The following SPNS1 variants were observed in gnomAD, a reference collection of about 807,000 sequenced individuals.
SPNS1 encodes protein spinster homolog 1.
A neutral mutation model predicts 50.3 loss-of-function variants in SPNS1; 22 were observed. That is an observed-to-expected ratio of 0.44 (90% CI 0.31 to 0.62). The LOEUF (loss-of-function observed/expected upper bound fraction) is 0.62. SPNS1 is among the 20% of genes least tolerant of loss of function. SPNS1 has a pLI of 0.07. For missense variants in SPNS1, 576 were observed against 728.6 expected, an observed-to-expected ratio of 0.79 and a Z score of 2.41; for synonymous variants, 295 against 317.4, an observed-to-expected ratio of 0.93 and a Z score of 0.75.
chr16:28,977,381 G>A (rs901418223), intron 2 of SPNS1, among the ~76,000 whole-genome samples: 1 of 152,044 alleles, frequency 6.6e-6, no homozygotes, highest in African/African-American at 2.4e-5. Context: ...GTGCTCACCT[G>A]GGCAGCATGC....
rs1429083276 is a variant in SPNS1, at chr16:28,981,829, G to T, written c.810-72G>T. On this transcript the variant is annotated intron_variant, in intron 6 of 11. Transcript: ENST00000311008. This position sits in a 1 kb window ranked among gnomAD's most constrained non-coding sequence, Gnocchi z 4.2. Reference sequence around the variant, plus strand: ...TGACCTTACTAAAATAAGCCAGGAAGGGAGAAGAGAGGTCCCCTCCTGCCT... The same window carrying T: ...TGACCTTACTAAAATAAGCCAGGAATGGAGAAGAGAGGTCCCCTCCTGCCT... The T allele has an allele frequency of 2.5e-6, 4 of 1,585,076 alleles. No homozygotes were observed. In the Admixed American group the frequency reaches 6.7e-5, roughly 27 times the overall value.
At position 28,975,271 on chromosome 16, in the gene SPNS1, G is replaced by A; in HGVS notation, c.120G>A (p.Glu40=). 1 of 1,565,228 alleles carries A rather than the reference G, an allele frequency of 6.4e-7. No individual in the cohort carries two copies. Among genetic ancestry groups the A allele is most frequent in the East Asian group, 2.3e-5 (1 of 43,032 alleles). The change falls in exon 1 of 12, where the codon GAG becomes GAA. Residue 40 remains glutamate, a synonymous_variant. Transcript: ENST00000311008. ...GGAACCCGAAGTCCGAGGAGCCCGA[G>A]GTCCCGGACCAGGAGGGGCTGCAGC... The part of the protein sequence containing the change: ...STGNPKSEEP[E]VPDQEGLQRI...
Position 28,981,310 on chromosome 16 carries a change from A to AG in SPNS1, c.664-159dup, listed in dbSNP as rs1596752861. 8 of 910,554 alleles carry AG rather than the reference A, an allele frequency of 8.8e-6. No homozygotes were observed. 56.4% of individuals were successfully genotyped at this position (910,554 alleles called of 1,614,324 possible). A position where few individuals can be genotyped will look rare whatever the true frequency, so the allele number is the denominator to read the frequency against. ...CAAAAATAGGGTGGCCCCTAGTGGC[A>AG]GCCCCCTTCCCCCAGATTGCAGGTT... On this transcript the variant is annotated intron_variant, in intron 5 of 11. Transcript: ENST00000311008. The surrounding 1 kb of genome is among the most constrained non-coding windows in gnomAD (Gnocchi z 4.2).
chr16:28,978,252 C>T (rs1965410867), intron 3 of SPNS1, among the ~76,000 whole-genome samples: 1 of 152,100 alleles, frequency 6.6e-6, no homozygotes, highest in South Asian at 2.1e-4. Flanking sequence ...ATTATCCCCT[C>T]TTCCCCTGAC....
intron 8 of SPNS1, 127 bp from the exon 9 acceptor site, chr16:28,982,729 TA>T (rs1965597147): frequency 1.6e-6 from 2 of 1,239,078 alleles, no homozygotes; most frequent in Non-Finnish European, 2.3e-6. Flanking sequence ...AAAATGGGGA[TA>T]TTAGTAGCAC....
chr16:28,975,232 G>A lies in SPNS1; in HGVS notation c.81G>A (p.Leu27=). 6.6e-7 allele frequency: 1 copy of A among 1,524,092 alleles called. No homozygotes were observed. The allele number at this position is 1,524,092 out of a possible 1,614,324, so 94.4% of individuals were successfully genotyped here. A position where few individuals can be genotyped will look rare whatever the true frequency, so the allele number is the denominator to read the frequency against. The change falls in exon 1 of 12, where the codon TTG becomes TTA. Residue 27 remains leucine, a synonymous_variant. Transcript: ENST00000311008. ...DDGPVPGTPG[L]PGSTGNPKSE... is the part of the protein sequence containing the mutation. The stretch of plus-strand genomic sequence containing the variant: ...GGCCAGTGCCTGGCACCCCGGGGTT[G>A]CCAGGGTCCACGGGGAACCCGAAGT...
At chr16:28,984,118 C>T in intron 11 of SPNS1, 87 bp from the exon 12 acceptor site, 1 of 1,460,582 alleles carries the variant, frequency 6.8e-7, no homozygotes, top group East Asian at 2.3e-5. Flanking sequence ...GTGGCTGCCC[C>T]ATCCATTTCC....
intron 5 of SPNS1, 179 bp downstream of exon 5, chr16:28,979,650 A>C: frequency 3.1e-6 from 2 of 652,374 alleles, no homozygotes; most frequent in African/African-American, 1.8e-5. Context: ...GCCTGAGCTC[A>C]AGTGATCCTC....
Position 28,981,803 on chromosome 16 carries a change from G to T in SPNS1, c.810-98G>T. 1 of 1,547,532 alleles carries T rather than the reference G, an allele frequency of 6.5e-7. No homozygotes were observed. The highest frequency in any genetic ancestry group is 8.8e-7 in the Non-Finnish European group (1 of 1,132,244). ...GCCAGAACCACCTCTGCACGGTGTT[G>T]TGACCTTACTAAAATAAGCCAGGAA... On this transcript the variant is annotated intron_variant, in intron 6 of 11. Transcript: ENST00000311008. The surrounding 1 kb of genome is among the most constrained non-coding windows in gnomAD (Gnocchi z 4.2).
At chr16:28,982,705 GTT>G (rs1446077413) in intron 8 of SPNS1, 150 bp from the exon 9 acceptor site, 2 of 1,207,284 alleles carry the variant, frequency 1.7e-6, no homozygotes, top group African/African-American at 3.0e-5. Flanking sequence ...TCTGTGCTCA[GTT>G]TCATCATGTG....
chr16:28,978,824 TA>T (rs543412339), intron 3 of SPNS1: 6,272 of 235,460 alleles, frequency 0.027, no homozygotes, highest in South Asian at 0.05. Flanking sequence ...ACTTATTCAT[TA>T]AAAAAAAAAA....
Position 28,981,298 on chromosome 16 carries a change from G to A in SPNS1, c.664-172G>A, listed in dbSNP as rs936154063. Among the ~76,000 whole-genome samples the A allele has an allele frequency of 6.6e-6, 1 of 152,144 alleles. No homozygotes were observed. The highest frequency in any genetic ancestry group is 2.1e-4 in the South Asian group (1 of 4,828). On this transcript the variant is annotated intron_variant, in intron 5 of 11. Coordinates refer to ENST00000311008, the MANE Select transcript of SPNS1 (RefSeq NM_032038.3). The surrounding 1 kb of genome is among the most constrained non-coding windows in gnomAD (Gnocchi z 4.2). ...AAGCTAGGCTTGCAAAAATAGGGTG[G>A]CCCCTAGTGGCAGCCCCCTTCCCCC...
In SPNS1 at chr16:28,975,084, G is replaced by T. The variant is rs1965287227; in HGVS notation, c.-68G>T. On this transcript the variant is annotated 5_prime_UTR_variant, in exon 1 of 12. Coordinates refer to ENST00000311008, the MANE Select transcript of SPNS1 (RefSeq NM_032038.3). ...TGTTCGGTCCATCCTCCTTTCTCCA[G>T]CCTCCTCCCCTCGCAGGTGGGATCG... 7 of 1,439,858 alleles carry T rather than the reference G, an allele frequency of 4.9e-6. No homozygotes were observed. The highest frequency in any genetic ancestry group is 6.4e-6 in the Non-Finnish European group (7 of 1,101,464). 89.2% of individuals were successfully genotyped at this position (1,439,858 alleles called of 1,614,324 possible).
chr16:28,981,344 T>C lies in SPNS1; in HGVS notation c.664-126T>C. 3 of 1,283,484 alleles carry C rather than the reference T, an allele frequency of 2.3e-6. No homozygotes were observed. The highest frequency in any genetic ancestry group is 3.2e-6 in the Non-Finnish European group (3 of 941,658). 79.5% of individuals were successfully genotyped at this position (1,283,484 alleles called of 1,614,324 possible). A position where few individuals can be genotyped will look rare whatever the true frequency, so the allele number is the denominator to read the frequency against. On this transcript the variant is annotated intron_variant, in intron 5 of 11. Coordinates refer to ENST00000311008, the MANE Select transcript of SPNS1 (RefSeq NM_032038.3). This position sits in a 1 kb window ranked among gnomAD's most constrained non-coding sequence, Gnocchi z 4.2. ...CCCCCAGATTGCAGGTTCGGCTTCT[T>C]GGAGCAGGCACTTAACTGGGTATTT...
Position 28,975,131 on chromosome 16 carries a change from C to A in SPNS1, c.-21C>A. The A allele has an allele frequency of 6.8e-7, 1 of 1,469,448 alleles. No individual in the cohort carries two copies. The highest frequency in any genetic ancestry group is 9.0e-7 in the Non-Finnish European group (1 of 1,114,866). The allele number at this position is 1,469,448 out of a possible 1,614,324, so 91.0% of individuals were successfully genotyped here. A position where few individuals can be genotyped will look rare whatever the true frequency, so the allele number is the denominator to read the frequency against. On this transcript the variant is annotated 5_prime_UTR_variant, in exon 1 of 12. Coordinates refer to ENST00000311008, the MANE Select transcript of SPNS1 (RefSeq NM_032038.3). ...ATCGTCGGTGGGACCGGAGCGCGGG[C>A]GGGCGCGGCCCCCCGGGACCATGGC...
chr16:28,979,196 C>G lies in SPNS1; in HGVS notation c.486C>G (p.Val162=). Residue 162 remains valine (V), a synonymous_variant, in exon 4 of 12, where the codon GTC becomes GTG. Transcript: ENST00000311008. ...LLLLTRGLVG[V]GEASYSTIAP... ...TCCTGACCCGGGGCCTGGTGGGGGT[C>G]GGGGAGGCCAGTTATTCCACCATCG... is the stretch of plus-strand genomic sequence containing the variant. 1.2e-6 allele frequency: 2 copies of G among 1,614,096 alleles called. No individual in the cohort carries two copies. The highest frequency in any genetic ancestry group is 1.7e-6 in the Non-Finnish European group (2 of 1,180,026).
intron 2 of SPNS1, among the ~76,000 whole-genome samples, chr16:28,975,851 T>C (rs1965323334): frequency 6.6e-6 from 1 of 152,258 alleles, no homozygotes; most frequent in Admixed American, 6.5e-5. Context: ...AAGCCTCATT[T>C]TCCTTGTCTA....
At chr16:28,979,072 T>C in intron 3 of SPNS1, 83 bp from the exon 4 acceptor site, 2 of 1,533,340 alleles carry the variant, frequency 1.3e-6, no homozygotes, top group Non-Finnish European at 1.8e-6. Context: ...CCATCCCTGC[T>C]GCCTCTTGGG....
chr16:28,976,582 G>A (rs1965352797), intron 2 of SPNS1, among the ~76,000 whole-genome samples: 1 of 152,180 alleles, frequency 6.6e-6, no homozygotes, highest in Non-Finnish European at 1.5e-5. Context: ...GATATCTACA[G>A]CTTATAAAGA....
Sources: gnomAD v4.1 joint callset for allele counts (sites outside exome capture counted in the v4.1 genomes callset) on GRCh38, gnomAD v4.1.1 for gene constraint, Gnocchi (gnomAD v3.1) non-coding constraint, MANE v1.5 for transcripts, NCBI Gene and HGNC (gene_info 2026-07-23, HGNC 2026-07-21) for gene names.